Variants in ANO1 observed in about 807,000 individuals in gnomAD.
ANO1 encodes anoctamin-1.
ANO1 carries 59 observed loss-of-function variants against 124.0 expected under a neutral mutation model. The ratio of observed to expected loss-of-function variants is 0.48; its 90% CI spans 0.39 to 0.59. The LOEUF (loss-of-function observed/expected upper bound fraction) is 0.59, where lower values mean the gene tolerates loss of function less well. ANO1 is among the 20% of genes least tolerant of loss of function. The pLI is 0.00. For missense variants in ANO1, 1,059 were observed against 1,328.0 expected (o/e 0.80, Z 3.15); for synonymous variants, 529 against 532.0 (o/e 0.99, Z 0.08).
At chr11:69,970,370 A>G in the ANO1 span, among the ~76,000 whole-genome samples, 6 of 152,328 alleles carry the variant, frequency 3.9e-5, no homozygotes, top group East Asian at 1.2e-3. Context: ...CCCGGAGCCC[A>G]GAGCTGAGCT....
chr11:70,132,036 C>T lies in ANO1; in HGVS notation c.1215C>T (p.Asp405=). The change falls in exon 11 of 26, where the codon GAC becomes GAT. Residue 405 remains aspartate, a synonymous_variant. Transcript: ENST00000355303. ...CGGCCCGCGCCAGCCACCTCTTCGA[C>T]AACCCCGCCACGGTCTTCTTCTCTG... ...CATARASHLF[D]NPATVFFSVF... The T allele has an allele frequency of 6.2e-7, 1 of 1,601,538 alleles. No homozygotes were observed. Among genetic ancestry groups the T allele is most frequent in the Non-Finnish European group, 8.5e-7 (1 of 1,176,082 alleles).
At chr11:69,999,572 A>C (rs931432024) in intron 1 of ANO1, among the ~76,000 whole-genome samples, 1 of 152,224 alleles carries the variant, frequency 6.6e-6, no homozygotes, top group Admixed American at 6.5e-5. Flanking sequence ...ATCTGAGAAC[A>C]TAACAGGATT....
intron 3 of ANO1, among the ~76,000 whole-genome samples, chr11:70,103,710 C>A (rs991490489): frequency 1.3e-5 from 2 of 152,146 alleles, no homozygotes; most frequent in African/African-American, 4.8e-5. Flanking sequence ...TCCTGCTTCT[C>A]GCGTCCTCAG....
At chr11:70,021,981 G>A (rs765661641) in intron 1 of ANO1, among the ~76,000 whole-genome samples, 1 of 152,204 alleles carries the variant, frequency 6.6e-6, no homozygotes, top group Non-Finnish European at 1.5e-5. Flanking sequence ...CATAAGGTGT[G>A]CTGCTGTGTG....
At chr11:69,966,074 A>AT in the ANO1 span, among the ~76,000 whole-genome samples, 4 of 152,160 alleles carry the variant, frequency 2.6e-5, no homozygotes, top group African/African-American at 7.2e-5. Context: ...CCAAAAAAAA[A>AT]GGAGGTTAAG....
intron 2 of ANO1, among the ~76,000 whole-genome samples, chr11:70,089,734 C>T (rs2044544312): frequency 1.3e-5 from 2 of 152,308 alleles, no homozygotes; most frequent in Admixed American, 6.5e-5. Context: ...GTGTCCTGCC[C>T]GACTTTGTCT....
chr11:70,157,396 G>A (rs115807443), intron 16 of ANO1, among the ~76,000 whole-genome samples: 3,382 of 149,330 alleles, frequency 0.023, 150 homozygotes, highest in African/African-American at 0.078. Flanking sequence ...GATGCGATTG[G>A]TGTCCTCCAA....
At chr11:70,162,095 C>A (rs2048072673) in intron 18 of ANO1, among the ~76,000 whole-genome samples, 1 of 148,756 alleles carries the variant, frequency 6.7e-6, no homozygotes. Context: ...CAGTGAGGAC[C>A]CGGGAGTGAG....
At chr11:70,081,440 G>A (rs2044197315) in intron 1 of ANO1, among the ~76,000 whole-genome samples, 1 of 152,152 alleles carries the variant, frequency 6.6e-6, no homozygotes, top group South Asian at 2.1e-4. Context: ...ATCGTACATT[G>A]ATATGTAGTG....
chr11:70,145,832 G>A lies in ANO1; in HGVS notation c.1259-3878G>A, dbSNP rs559979252. Among the ~76,000 whole-genome samples, 7 of 151,876 alleles carry A rather than the reference G, an allele frequency of 4.6e-5. No individual in the cohort carries two copies. The South Asian group carries it at 1.2e-3, about 27-fold the overall frequency. On this transcript the variant is annotated intron_variant, in intron 11 of 25. Transcript: ENST00000355303. ...TGCACCTGTAGTCCCAGCTACTTGGGGGACTGAGGCCAGAGAATTACTTGA... is the reference window on the plus strand; with the variant it reads ...TGCACCTGTAGTCCCAGCTACTTGGAGGACTGAGGCCAGAGAATTACTTGA...
intron 22 of ANO1, among the ~76,000 whole-genome samples, chr11:70,177,628 C>T (rs1375404490): frequency 1.6e-5 from 2 of 123,860 alleles, no homozygotes; most frequent in Non-Finnish European, 1.6e-5. Flanking sequence ...GAGACAGAGC[C>T]TCGTTCATTC....
intron 8 of ANO1, among the ~76,000 whole-genome samples, chr11:70,117,202 C>T (rs966431510): frequency 3.5e-5 from 5 of 142,000 alleles, no homozygotes; most frequent in African/African-American, 1.0e-4. Context: ...TCCAGAGTAG[C>T]TTGGATTACA....
At chr11:70,103,925 C>T in intron 3 of ANO1, 74 bp from the exon 4 acceptor site, 2 of 1,494,282 alleles carry the variant, frequency 1.3e-6, no homozygotes, top group East Asian at 2.4e-5. Flanking sequence ...GTTCTCTGAC[C>T]ATCCGAGAAC....
chr11:70,088,206 C>G (rs1200211192), intron 2 of ANO1, 122 bp downstream of exon 2: 1 of 783,668 alleles, frequency 1.3e-6, no homozygotes, highest in Admixed American at 3.5e-5. Context: ...TAGCTTTAAG[C>G]TGTTCTTAAA....
intron 1 of ANO1, chr11:70,073,027 T>A (rs1014844128): frequency 1.3e-5 from 2 of 152,236 alleles, no homozygotes; most frequent in African/African-American, 4.8e-5. Flanking sequence ...AAGCTCAGAC[T>A]GAAGCCGCCC....
At chr11:70,044,189 GC>G (rs1442197685) in intron 1 of ANO1, among the ~76,000 whole-genome samples, 1 of 151,612 alleles carries the variant, frequency 6.6e-6, no homozygotes, top group Non-Finnish European at 1.5e-5. Flanking sequence ...GTAAAATAAA[GC>G]AAAAAGTGCT....
At chr11:70,116,644 T>C in intron 8 of ANO1, 145 bp downstream of exon 8, 1 of 685,066 alleles carries the variant, frequency 1.5e-6, no homozygotes, top group Non-Finnish European at 2.5e-6. Flanking sequence ...GAAGCGGGTG[T>C]CCCCTCTCAC....
chr11:70,095,299 GGAAA>G (rs58358100), intron 2 of ANO1, among the ~76,000 whole-genome samples: 12 of 50,970 alleles, frequency 2.4e-4, no homozygotes, highest in African/African-American at 3.6e-4. Context: ...AAGGAAGGAA[GGAAA>G]GAAAGAAAGA....
chr11:70,010,797 T>C (rs112095623), intron 1 of ANO1, among the ~76,000 whole-genome samples: 6,743 of 152,274 alleles, frequency 0.044, 494 homozygotes, highest in African/African-American at 0.15. Context: ...GCACAGCCCA[T>C]CTCACTTGGC....
Sources: gnomAD v4.1 joint callset for allele counts (sites outside exome capture counted in the v4.1 genomes callset) on GRCh38, gnomAD v4.1.1 for gene constraint, MANE v1.5 for transcripts, NCBI Gene and HGNC (gene_info 2026-07-23, HGNC 2026-07-21) for gene names.